Variants in SULT2B1 observed in about 807,000 individuals in gnomAD.
SULT2B1 encodes sulfotransferase 2B1.
SULT2B1 carries 16 observed loss-of-function variants against 33.2 expected under a neutral mutation model. The observed-to-expected ratio is 0.48, with a 90% confidence interval of 0.33 to 0.73. SULT2B1 has a LOEUF of 0.73. Among genes scored for constraint, SULT2B1 ranks in the 30% least tolerant of loss-of-function variants. The pLI is 0.02. For synonymous variants in SULT2B1, 186 were observed against 200.5 expected (o/e 0.93, Z 0.61); for missense variants, 500 against 506.0 (o/e 0.99, Z 0.11).
chr19:48,554,269 G>C (rs1431396684), intron 1 of SULT2B1, among the ~76,000 whole-genome samples: 1 of 149,426 alleles, frequency 6.7e-6, no homozygotes, highest in Non-Finnish European at 1.5e-5. Flanking sequence ...TTCGGGATGT[G>C]CCCCTCCCAG....
intron 1 of SULT2B1, among the ~76,000 whole-genome samples, chr19:48,555,255 C>T (rs1365459755): frequency 2.0e-5 from 3 of 152,032 alleles, no homozygotes; most frequent in Admixed American, 1.3e-4. Flanking sequence ...CCATGCCTGG[C>T]TAATTTTTAT....
At chr19:48,591,849 C>A in intron 4 of SULT2B1, 114 bp downstream of exon 4, 1 of 1,267,898 alleles carries the variant, frequency 7.9e-7, no homozygotes. Flanking sequence ...CACAGGGCAT[C>A]AAAAGGGGCA....
chr19:48,591,379 G>C (rs1455730690), intron 3 of SULT2B1: 1 of 369,014 alleles, frequency 2.7e-6, no homozygotes, highest in Non-Finnish European at 4.9e-6. Flanking sequence ...GCTGACACAG[G>C]AGAATCGCCT....
At chr19:48,572,373 C>T (rs1568406921) in intron 1 of SULT2B1, among the ~76,000 whole-genome samples, 2 of 152,064 alleles carry the variant, frequency 1.3e-5, no homozygotes, top group African/African-American at 2.4e-5. Context: ...ATTAGCCAGG[C>T]ATGGTGGCAT....
rs947888111 is a variant in SULT2B1 at position 48,576,099 on chromosome 19, C to A, written c.214+16C>A. On this transcript the variant is annotated intron_variant, in intron 2 of 6. Transcript: ENST00000201586. ...CCCAAGTCAGGTACCTGCCGGGCTGCGGGCGTCGGGGGCTGGGGAGAGTGG... is the reference window on the plus strand; with the variant it reads ...CCCAAGTCAGGTACCTGCCGGGCTGAGGGCGTCGGGGGCTGGGGAGAGTGG... 1.3e-6 allele frequency: 2 copies of A among 1,508,466 alleles called. No homozygotes were observed. Among genetic ancestry groups the A allele is most frequent in the Admixed American group, 1.7e-5 (1 of 58,998 alleles). The allele number at this position is 1,508,466 out of a possible 1,614,324, so 93.4% of individuals were successfully genotyped here.
In SULT2B1 at chr19:48,573,080, T is replaced by C. The variant is rs183034817; in HGVS notation, c.72-2861T>C. On this transcript the variant is annotated intron_variant, in intron 1 of 6. Transcript: ENST00000201586. ...TCTGAGGCAGGAGAATCGCTTGAAC[T>C]TGGAAGGCGGAGGTTGCAGTGAGCC... Among the ~76,000 whole-genome samples, 1,160 of 150,766 alleles carry C rather than the reference T, an allele frequency of 7.7e-3. 12 individuals are homozygous for C. Among genetic ancestry groups the C allele is most frequent in the African/African-American group, 0.027 (1,098 of 40,954 alleles).
At chr19:48,561,904 C>T (rs1222199373) in intron 1 of SULT2B1, among the ~76,000 whole-genome samples, 6 of 151,738 alleles carry the variant, frequency 4.0e-5, no homozygotes, top group South Asian at 2.1e-4. Context: ...CACCTGAGGT[C>T]GGGAGTTCAA....
chr19:48,563,503 C>G (rs886990179), intron 1 of SULT2B1, among the ~76,000 whole-genome samples: 3 of 152,144 alleles, frequency 2.0e-5, no homozygotes, highest in Admixed American at 6.6e-5. Context: ...TACACAGACA[C>G]GGAAAATGTC....
chr19:48,599,151 G>T lies in SULT2B1; in HGVS notation c.843G>T (p.Trp281Cys). 1 of 1,588,806 alleles carries T rather than the reference G, an allele frequency of 6.3e-7. No homozygotes were observed. The change falls in exon 7 of 7, where the codon TGG (tryptophan) becomes TGT (cysteine). Residue 281 changes from tryptophan to cysteine, a missense_variant. By Grantham distance (215) the Trp-to-Cys change is radical. Coordinates refer to ENST00000201586, the MANE Select transcript of SULT2B1 (RefSeq NM_177973.2). This position sits in a 1 kb window ranked among gnomAD's most constrained non-coding sequence, Gnocchi z 4.1. ...AFLRKGVCGD[W>C]KNHFTVAQSE... ...CTTCTCCAGGGGTCTGCGGCGACTG[G>T]AAGAACCACTTCACGGTGGCCCAGA... is the stretch of plus-strand genomic sequence containing the variant.
chr19:48,583,879 T>C (rs1417118386), intron 2 of SULT2B1, among the ~76,000 whole-genome samples: 1 of 151,512 alleles, frequency 6.6e-6, no homozygotes, highest in Non-Finnish European at 1.5e-5. Flanking sequence ...TTTGGGAGGC[T>C]GAGGCAGGCA....
At chr19:48,577,634 G>A (rs1973431678) in intron 2 of SULT2B1, among the ~76,000 whole-genome samples, 1 of 151,930 alleles carries the variant, frequency 6.6e-6, no homozygotes, top group African/African-American at 2.4e-5. Flanking sequence ...AAAGTGCTGC[G>A]ATTACAGGTG....
At chr19:48,594,271 A>G (rs1973682281) in intron 5 of SULT2B1, among the ~76,000 whole-genome samples, 1 of 152,114 alleles carries the variant, frequency 6.6e-6, no homozygotes, top group Non-Finnish European at 1.5e-5. Flanking sequence ...AGAAAAACAA[A>G]AACAAAAACA....
At chr19:48,555,549 C>CT (rs1555730907) in intron 1 of SULT2B1, among the ~76,000 whole-genome samples, 2 of 124,114 alleles carry the variant, frequency 1.6e-5, no homozygotes, top group Non-Finnish European at 1.6e-5. Flanking sequence ...CCAGAGACAT[C>CT]CTCTCTCTCT....
intron 1 of SULT2B1, among the ~76,000 whole-genome samples, chr19:48,553,418 C>G (rs2147592106): frequency 6.6e-6 from 1 of 152,342 alleles, no homozygotes; most frequent in East Asian, 1.9e-4. Context: ...AGTGATTCTC[C>G]AGCCTCAGCT....
intron 2 of SULT2B1, among the ~76,000 whole-genome samples, chr19:48,576,359 C>CTTTTCTTTTTTTCTTTTTTTTTTTTT: frequency 2.1e-5 from 2 of 96,714 alleles, no homozygotes; most frequent in African/African-American, 4.3e-5. Flanking sequence ...CTCTACTTCT[C>CTTTTCTTTTTTTCTTTTTTTTTTTTT]TTTTTTTTTT....
chr19:48,556,191 A>G (rs1224583829), intron 1 of SULT2B1, among the ~76,000 whole-genome samples: 1 of 152,058 alleles, frequency 6.6e-6, no homozygotes, highest in African/African-American at 2.4e-5. Context: ...GCAATTTAGG[A>G]TTTTTGGCCA....
chr19:48,579,914 C>T (rs1973464182), intron 2 of SULT2B1, among the ~76,000 whole-genome samples: 2 of 151,456 alleles, frequency 1.3e-5, no homozygotes, highest in Non-Finnish European at 3.0e-5. Flanking sequence ...GCCTTGCATG[C>T]AAGTTCTTGT....
At chr19:48,589,145 G>T (rs1973609332) in intron 3 of SULT2B1, among the ~76,000 whole-genome samples, 2 of 152,230 alleles carry the variant, frequency 1.3e-5, no homozygotes, top group Non-Finnish European at 2.9e-5. Context: ...CGGGGTCCAG[G>T]GGAGGGGACG....
At chr19:48,598,435 T>C (rs1222870324) in intron 6 of SULT2B1, among the ~76,000 whole-genome samples, 1 of 151,988 alleles carries the variant, frequency 6.6e-6, no homozygotes, top group East Asian at 1.9e-4. Flanking sequence ...CTACTAAAAA[T>C]ATAAAAATTA....
Sources: gnomAD v4.1 joint callset for allele counts (sites outside exome capture counted in the v4.1 genomes callset) on GRCh38, gnomAD v4.1.1 for gene constraint, Gnocchi (gnomAD v3.1) non-coding constraint, MANE v1.5 for transcripts, NCBI Gene and HGNC (gene_info 2026-07-23, HGNC 2026-07-21) for gene names.